ZNF117: variants seen among roughly 807,000 people sequenced by gnomAD.
ZNF117 encodes the protein Krueppel-related zinc finger protein.
ZNF117 carries 37 observed loss-of-function variants against 41.2 expected under a neutral mutation model. The observed-to-expected ratio is 0.90, with a 90% CI of 0.69 to 1.18. The LOEUF is 1.18. Among genes scored for constraint, ZNF117 ranks in the 50% most tolerant of loss-of-function variants. ZNF117 has a pLI of 0.00. For synonymous variants in ZNF117, 186 were observed against 186.6 expected (o/e 1.00, Z 0.02); for missense variants, 546 against 557.5 (o/e 0.98, Z 0.21).
chr7:64,976,929 G>A (rs1438333652), exon 3 of ZNF117: 2 of 524,690 alleles, frequency 3.8e-6, no homozygotes, highest in South Asian at 2.8e-5. Context: ...TGTCTTATGT[G>A]GAGTAAGGGT....
At chr7:64,978,150 T>C in exon 3 of ZNF117, 6 of 1,611,462 alleles carry the variant, frequency 3.7e-6, no homozygotes, top group Non-Finnish European at 5.1e-6. Context: ...TTCATCACAT[T>C]TGTACTGTTT....
chr7:64,976,932 G>A (rs186389551), exon 3 of ZNF117: 29 of 526,278 alleles, frequency 5.5e-5, no homozygotes, highest in Middle Eastern at 6.4e-4. Context: ...CTTATGTGGA[G>A]TAAGGGTTGA....
At chr7:64,976,956 T>G (rs1193175320) in exon 3 of ZNF117, 1 of 533,972 alleles carries the variant, frequency 1.9e-6, no homozygotes, top group East Asian at 5.4e-5. Flanking sequence ...TAGGTTAGCT[T>G]TGCCACATTC....
chr7:64,981,838 AT>A (rs1207566441), intron 1 of ZNF117, 145 bp downstream of exon 2: 3 of 355,728 alleles, frequency 8.4e-6, no homozygotes, highest in Non-Finnish European at 1.5e-5. Flanking sequence ...TGAATAAACT[AT>A]TTTCTACAAT....
chr7:64,973,715 G>A (rs1785819993), downstream of ZNF117: 1 of 151,832 alleles, frequency 6.6e-6, no homozygotes, highest in Admixed American at 6.6e-5. Flanking sequence ...GAAAAAGAAG[G>A]AGAAGGGCTG....
chr7:64,984,368 G>C (rs1340744211), upstream of ZNF117, among the ~76,000 whole-genome samples: 1 of 152,190 alleles, frequency 6.6e-6, no homozygotes, highest in Non-Finnish European at 1.5e-5. Context: ...CTGACCTCAA[G>C]TGACCCGCCT....
chr7:64,983,589 G>T (rs1405314237), upstream of ZNF117, among the ~76,000 whole-genome samples: 1 of 151,996 alleles, frequency 6.6e-6, no homozygotes, highest in Non-Finnish European at 1.5e-5. Context: ...CTTAAAAAAA[G>T]GTCATGTCTT....
exon 3 of ZNF117, chr7:64,978,757 T>C: frequency 6.2e-7 from 1 of 1,613,356 alleles, no homozygotes; most frequent in Non-Finnish European, 8.5e-7. Flanking sequence ...TTCTCTCCAG[T>C]ATGAATGTAC....
intron 1 of ZNF117, 149 bp downstream of exon 2, chr7:64,981,835 A>C (rs1786039566): frequency 2.8e-6 from 1 of 351,528 alleles, no homozygotes; most frequent in Admixed American, 4.5e-5. Flanking sequence ...TCTTGAATAA[A>C]CTATTTTCTA....
chr7:64,982,088 A>G lies in ZNF117; in HGVS notation c.-167T>C. On this transcript the variant is annotated 5_prime_UTR_variant, in exon 1 of 3. An upstream open reading frame in the 5' UTR loses its in-frame stop. Transcript: ENST00000620222. ...TTGCCACTCCTCCAAAGAGAATTCT[A>G]TGGCCACATCCATAAATGTCAATGG... 1.0e-6 allele frequency: 1 copy of G among 965,956 alleles called. No individual in the cohort carries two copies. Among genetic ancestry groups the G allele is most frequent in the East Asian group, 2.5e-5 (1 of 39,484 alleles). 59.8% of individuals were successfully genotyped at this position (965,956 alleles called of 1,614,324 possible).
chr7:64,977,298 C>A, exon 3 of ZNF117: 1 of 416,550 alleles, frequency 2.4e-6, no homozygotes. Flanking sequence ...AACTTTGCCA[C>A]ATTCTTCACA....
chr7:64,987,808 AC>A (rs1441980258), intron 1 of ZNF117, among the ~76,000 whole-genome samples: 1 of 142,864 alleles, frequency 7.0e-6, no homozygotes, highest in Non-Finnish European at 1.5e-5. Context: ...ATATAGTGAG[AC>A]CCCGTTCTCC....
At chr7:64,983,311 C>T (rs898801390), upstream of ZNF117, among the ~76,000 whole-genome samples, 9 of 152,130 alleles carry the variant, frequency 5.9e-5, no homozygotes, top group African/African-American at 2.2e-4. Flanking sequence ...ACAGAGGGAA[C>T]ATTTTTCATG....
exon 3 of ZNF117, chr7:64,979,122 G>A: frequency 6.2e-7 from 1 of 1,612,038 alleles, no homozygotes; most frequent in Non-Finnish European, 8.5e-7. Flanking sequence ...ATTAAGGGTT[G>A]AGGACCAGTT....
At chr7:64,984,408 G>A (rs1044759159), upstream of ZNF117, among the ~76,000 whole-genome samples, 1 of 152,116 alleles carries the variant, frequency 6.6e-6, no homozygotes, top group Non-Finnish European at 1.5e-5. Context: ...ATAACTTTCC[G>A]ATGAAGAATT....
exon 3 of ZNF117, chr7:64,977,169 A>G (rs892369428): frequency 4.3e-6 from 2 of 463,598 alleles, no homozygotes; most frequent in East Asian, 1.3e-4. Context: ...AGTATGAATT[A>G]CCTTATGTTT....
intron 2 of ZNF117, 48 bp from the exon 4 acceptor site, chr7:64,979,584 G>A (rs1216337692): frequency 7.4e-7 from 1 of 1,352,838 alleles, no homozygotes; most frequent in South Asian, 2.0e-5. Flanking sequence ...CGACTCAGAT[G>A]AATATACTTT....
upstream of ZNF117, among the ~76,000 whole-genome samples, chr7:64,984,153 A>G (rs972255986): frequency 1.3e-5 from 2 of 150,980 alleles, no homozygotes; most frequent in Admixed American, 6.6e-5. Flanking sequence ...TTTTTTTGAG[A>G]CGGAGTCTTG....
downstream of ZNF117, chr7:64,972,157 A>G (rs1785794443): frequency 6.6e-6 from 1 of 152,128 alleles, no homozygotes; most frequent in African/African-American, 2.4e-5. Flanking sequence ...TACTCTTACT[A>G]AAAAGAAAAG....
Sources: gnomAD v4.1 joint callset for allele counts (sites outside exome capture counted in the v4.1 genomes callset) on GRCh38, gnomAD v4.1.1 for gene constraint, MANE v1.5 for transcripts, NCBI Gene and HGNC (gene_info 2026-07-23, HGNC 2026-07-21) for gene names.